Variants in RBMS3 observed in about 807,000 individuals in gnomAD.
The protein encoded by RBMS3 is RNA binding motif single stranded interacting protein 3.
In RBMS3, 27 loss-of-function variants were observed where a neutral mutation model predicts 66.8. The observed-to-expected ratio is 0.40, with a 90% CI of 0.30 to 0.56. The LOEUF is 0.56. RBMS3 is among the 20% of genes least tolerant of loss of function. The pLI is 0.40. For missense variants in RBMS3, 513 were observed against 549.5 expected, an observed-to-expected ratio of 0.93 and a Z score of 0.66; for synonymous variants, 188 against 183.0, an observed-to-expected ratio of 1.03 and a Z score of -0.22.
chr3:29,288,316 A>G (rs931101863), intron 1 of RBMS3, among the ~76,000 whole-genome samples: 8 of 151,988 alleles, frequency 5.3e-5, no homozygotes, highest in Non-Finnish European at 1.0e-4. Context: ...ATGCTGCTTT[A>G]CTGGCTCTCT....
At chr3:29,471,286 G>T (rs2042716944) in intron 2 of RBMS3, among the ~76,000 whole-genome samples, 1 of 152,142 alleles carries the variant, frequency 6.6e-6, no homozygotes, top group South Asian at 2.1e-4. Context: ...CAGTACTCAG[G>T]TAAGAAGTAA....
At chr3:29,993,673 GGTC>G (rs1271547295) in intron 14 of RBMS3, among the ~76,000 whole-genome samples, 1 of 152,132 alleles carries the variant, frequency 6.6e-6, no homozygotes, top group Non-Finnish European at 1.5e-5. Context: ...CTAGGACATT[GGTC>G]TTTTCCTGCC....
At chr3:29,652,284 C>T (rs2050172785) in intron 4 of RBMS3, among the ~76,000 whole-genome samples, 1 of 152,086 alleles carries the variant, frequency 6.6e-6, no homozygotes, top group Admixed American at 6.6e-5. Flanking sequence ...TTAATAAAAA[C>T]TTCTCCCTTA....
intron 4 of RBMS3, among the ~76,000 whole-genome samples, chr3:29,685,125 C>T (rs915824526): frequency 6.6e-6 from 1 of 152,136 alleles, no homozygotes; most frequent in African/African-American, 2.4e-5. Context: ...GTGGCGCGAT[C>T]TCGGCTCACT....
chr3:29,529,407 A>C (rs892114101), intron 3 of RBMS3, among the ~76,000 whole-genome samples: 5 of 152,220 alleles, frequency 3.3e-5, no homozygotes, highest in Non-Finnish European at 7.3e-5. Flanking sequence ...AGGAAAAAAA[A>C]CAGATGAGCA....
At chr3:29,967,033 A>G (rs977463590) in intron 12 of RBMS3, among the ~76,000 whole-genome samples, 1 of 152,194 alleles carries the variant, frequency 6.6e-6, no homozygotes, top group Non-Finnish European at 1.5e-5. Flanking sequence ...CATCTCTGGT[A>G]GGAAACCCAC....
chr3:29,333,630 C>A (rs2035789745), intron 1 of RBMS3, among the ~76,000 whole-genome samples: 1 of 152,084 alleles, frequency 6.6e-6, no homozygotes. Context: ...CCCTTTGGAA[C>A]TAGGGTGGGT....
At chr3:29,632,144 A>G (rs2049305452) in intron 4 of RBMS3, among the ~76,000 whole-genome samples, 2 of 151,966 alleles carry the variant, frequency 1.3e-5, no homozygotes. Flanking sequence ...TTTTACCAAT[A>G]GAATTCCATT....
chr3:29,455,872 A>G (rs1025531322), intron 2 of RBMS3, among the ~76,000 whole-genome samples: 8 of 152,150 alleles, frequency 5.3e-5, no homozygotes, highest in African/African-American at 1.9e-4. Context: ...ATACTTGTTT[A>G]CGATAAGAGA....
intron 4 of RBMS3, among the ~76,000 whole-genome samples, chr3:29,611,441 T>C (rs2048489162): frequency 6.6e-6 from 1 of 151,986 alleles, no homozygotes; most frequent in African/African-American, 2.4e-5. Flanking sequence ...GCTCACAGTA[T>C]ATGACAGAAT....
chr3:29,522,988 A>G (rs1385770955), intron 3 of RBMS3, among the ~76,000 whole-genome samples: 1 of 152,188 alleles, frequency 6.6e-6, no homozygotes, highest in African/African-American at 2.4e-5. Context: ...CTTATTATCT[A>G]CTAGCACTGC....
rs115481094 is a variant in RBMS3 at position 29,439,754 on chromosome 3, C to A, written c.248+4839C>A. ...GGTATATCTCCTAATGCTATCCCTC[C>A]CCCCTTTTTCTTACCCAGTCTTGAA... On this transcript the variant is annotated intron_variant, in intron 2 of 14. Coordinates refer to ENST00000383767, the MANE Select transcript of RBMS3 (RefSeq NM_001003793.3). 6.1e-3 allele frequency among the ~76,000 whole-genome samples: 926 copies of A among 152,168 alleles called. 9 individuals are homozygous for A. Among genetic ancestry groups the A allele is most frequent in the African/African-American group, 0.021 (880 of 41,498 alleles).
chr3:29,911,209 A>C (rs1038956492), intron 10 of RBMS3, among the ~76,000 whole-genome samples: 3 of 152,026 alleles, frequency 2.0e-5, no homozygotes, highest in Non-Finnish European at 2.9e-5. Context: ...GGTGTCAGGC[A>C]GGAAGGGTGC....
intron 3 of RBMS3, among the ~76,000 whole-genome samples, chr3:29,526,819 T>G (rs780218095): frequency 6.6e-6 from 1 of 151,798 alleles, no homozygotes; most frequent in Non-Finnish European, 1.5e-5. Context: ...CACCTCCAAT[T>G]CCTCCCTCTC....
At chr3:29,635,931 C>T (rs1840967) in intron 4 of RBMS3, among the ~76,000 whole-genome samples, 11,836 of 151,804 alleles carry the variant, frequency 0.078, 813 homozygotes, top group East Asian at 0.36. Context: ...ACAGTGCCCA[C>T]AGAAAGCAAA....
intron 4 of RBMS3, among the ~76,000 whole-genome samples, chr3:29,627,795 A>G (rs145636927): frequency 6.6e-6 from 1 of 152,220 alleles, no homozygotes; most frequent in Non-Finnish European, 1.5e-5. Context: ...AGAGGGAGAG[A>G]AGGAGGAAGA....
At chr3:29,359,962 A>G (rs2037466030) in intron 1 of RBMS3, among the ~76,000 whole-genome samples, 1 of 151,862 alleles carries the variant, frequency 6.6e-6, no homozygotes, top group Non-Finnish European at 1.5e-5. Context: ...TCTTGCTAGC[A>G]GTCTGTCAAT....
At chr3:29,537,731 G>A (rs1272738514) in intron 3 of RBMS3, 1 of 151,334 alleles carries the variant, frequency 6.6e-6, no homozygotes. Flanking sequence ...GTTGAGGCAG[G>A]AGAATGGCGT....
intron 4 of RBMS3, among the ~76,000 whole-genome samples, chr3:29,728,190 A>G (rs1322963622): frequency 6.7e-6 from 1 of 148,904 alleles, no homozygotes; most frequent in East Asian, 2.1e-4. Context: ...GGAACATCAC[A>G]CACTGGGGGC....
Sources: gnomAD v4.1 joint callset for allele counts (sites outside exome capture counted in the v4.1 genomes callset) on GRCh38, gnomAD v4.1.1 for gene constraint, MANE v1.5 for transcripts, NCBI Gene and HGNC (gene_info 2026-07-23, HGNC 2026-07-21) for gene names.